The following ROBO2 variants were observed in gnomAD, a reference collection of about 807,000 sequenced individuals.
ROBO2 encodes the protein roundabout homolog 2.
Under a neutral mutation model 160.8 loss-of-function variants are expected in ROBO2, and 53 were observed. That is an observed-to-expected ratio of 0.33 (90% confidence interval 0.26 to 0.41). The LOEUF (loss-of-function observed/expected upper bound fraction) is 0.41, where lower values mean the gene tolerates loss of function less well. Among genes scored for constraint, ROBO2 ranks in the 10% least tolerant of loss-of-function variants. The pLI, the probability that ROBO2 is intolerant of heterozygous loss-of-function variation, is 1.00. For missense variants in ROBO2, 1,577 were observed against 1,722.4 expected, an observed-to-expected ratio of 0.92 and a Z score of 1.49; for synonymous variants, 664 against 611.7, an observed-to-expected ratio of 1.09 and a Z score of -1.26.
intron 2 of ROBO2, among the ~76,000 whole-genome samples, chr3:77,464,545 G>T (rs539958064): frequency 6.6e-6 from 1 of 152,290 alleles, no homozygotes; most frequent in African/African-American, 2.4e-5. Context: ...TAGAGTTACA[G>T]GGGGAGGAAG....
rs2095365039 is a variant in ROBO2 at position 77,642,654 on chromosome 3, T to C, written c.3935-2050T>C. 2.2e-6 allele frequency: 1 copy of C among 451,600 alleles called. No homozygotes were observed. The highest frequency in any genetic ancestry group is 4.4e-6 in the Non-Finnish European group (1 of 225,592). The allele number at this position is 451,600 out of a possible 1,614,324, so 28.0% of individuals were successfully genotyped here. On this transcript the variant is annotated intron_variant, in intron 24 of 25. Transcript: ENST00000461745. ...ATTAAATTTTAGTCCATTCTAAACA[T>C]TATTCAAAATTTTTAGATCTTCCAC...
intron 2 of ROBO2, among the ~76,000 whole-genome samples, chr3:76,849,921 T>A (rs1475293269): frequency 6.6e-6 from 1 of 152,200 alleles, no homozygotes; most frequent in Non-Finnish European, 1.5e-5. Flanking sequence ...GTGTGGTGGC[T>A]CATGCCTGTA....
intron 2 of ROBO2, among the ~76,000 whole-genome samples, chr3:76,644,461 C>A (rs1261723601): frequency 6.6e-6 from 1 of 152,186 alleles, no homozygotes; most frequent in East Asian, 1.9e-4. Context: ...GCTGGGCCCT[C>A]TGGGTTCTTT....
chr3:75,918,650 G>C (rs1946906868), intron 1 of ROBO2, among the ~76,000 whole-genome samples: 1 of 152,044 alleles, frequency 6.6e-6, no homozygotes, highest in Admixed American at 6.6e-5. Context: ...ATGATATTGA[G>C]TCTTCCTATC....
At chr3:77,152,923 C>T (rs1056689207) in intron 2 of ROBO2, among the ~76,000 whole-genome samples, 6 of 152,178 alleles carry the variant, frequency 3.9e-5, no homozygotes, top group Non-Finnish European at 7.3e-5. Context: ...AGCAATCACT[C>T]AGCACTTCCT....
intron 2 of ROBO2, among the ~76,000 whole-genome samples, chr3:76,541,546 G>A (rs2082818119): frequency 6.6e-6 from 1 of 152,140 alleles, no homozygotes. Flanking sequence ...AAGGGCCAGG[G>A]ATGTAAAGAC....
In ROBO2 at chr3:77,479,295, G is replaced by T. The variant is rs80335418; in HGVS notation, c.546+1724G>T. On this transcript the variant is annotated intron_variant, in intron 3 of 25. Transcript: ENST00000461745. ...CAGTCTGTCCAGTAGGCATGGTAAT[G>T]ACCTTTAGTTTCTTCTTTGGTGATT... 7.1e-3 allele frequency among the ~76,000 whole-genome samples: 1,081 copies of T among 152,282 alleles called. 8 individuals are homozygous for T. Among genetic ancestry groups the T allele is most frequent in the African/African-American group, 0.024 (998 of 41,572 alleles).
At chr3:77,104,239 C>A (rs1243640571) in intron 2 of ROBO2, among the ~76,000 whole-genome samples, 1 of 152,120 alleles carries the variant, frequency 6.6e-6, no homozygotes, top group Admixed American at 6.5e-5. Flanking sequence ...CACCCCAGCC[C>A]TAAGTAAATG....
chr3:76,014,244 GC>G (rs1172830761), intron 2 of ROBO2, among the ~76,000 whole-genome samples: 2 of 138,536 alleles, frequency 1.4e-5, no homozygotes, highest in African/African-American at 2.5e-5. Context: ...TGGCACGGTG[GC>G]TTATGCGTGT....
intron 2 of ROBO2, among the ~76,000 whole-genome samples, chr3:76,643,185 ATAACT>A (rs929096899): frequency 6.6e-6 from 1 of 152,184 alleles, no homozygotes; most frequent in African/African-American, 2.4e-5. Flanking sequence ...GCAATCAGAA[ATAACT>A]TAGTAAAAAA....
At chr3:77,056,457 T>C (rs77640644) in intron 1 of ROBO2, among the ~76,000 whole-genome samples, 9 of 151,790 alleles carry the variant, frequency 5.9e-5, no homozygotes, top group African/African-American at 2.2e-4. Flanking sequence ...TCATGCAGTG[T>C]TTTTTTTACT....
intron 20 of ROBO2, chr3:77,603,206 G>A: frequency 2.6e-6 from 1 of 380,862 alleles, no homozygotes; most frequent in Non-Finnish European, 5.3e-6. Flanking sequence ...ATGAAATCAT[G>A]CCTTGGTGGG....
chr3:76,138,408 T>C (rs2071508667), intron 2 of ROBO2, among the ~76,000 whole-genome samples: 1 of 152,018 alleles, frequency 6.6e-6, no homozygotes, highest in Non-Finnish European at 1.5e-5. Context: ...TGCTTTTTGC[T>C]CACCATATAA....
chr3:76,500,334 G>T (rs1422146573), intron 2 of ROBO2, among the ~76,000 whole-genome samples: 3 of 152,138 alleles, frequency 2.0e-5, no homozygotes. Flanking sequence ...GCCCAGGCTG[G>T]TCTCCAACTC....
At chr3:76,948,368 C>T (rs2078700823) in intron 2 of ROBO2, among the ~76,000 whole-genome samples, 1 of 151,918 alleles carries the variant, frequency 6.6e-6, no homozygotes, top group African/African-American at 2.4e-5. Context: ...TATCTTCCTC[C>T]TTCTTCACTA....
At position 76,650,038 on chromosome 3, in the gene ROBO2, G is replaced by A. The variant is rs996042757; in HGVS notation, c.110-447976G>A. ...TATTTAATCTAACATGCCAACAAAC[G>A]TATTACCCACCATATTTCAACCTTC... On this transcript the variant is annotated intron_variant, in intron 2 of 26. Transcript: ENST00000487694. Among the ~76,000 whole-genome samples the A allele has an allele frequency of 1.3e-5, 2 of 151,948 alleles. 1 individual carries two copies. Among genetic ancestry groups the A allele is most frequent in the South Asian group, 4.1e-4 (2 of 4,830 alleles).
intron 13 of ROBO2, among the ~76,000 whole-genome samples, chr3:77,570,170 T>A (rs2093602744): frequency 6.6e-6 from 1 of 152,058 alleles, no homozygotes; most frequent in Non-Finnish European, 1.5e-5. Context: ...CTGTTGCAAG[T>A]TATAAGGCGG....
intron 2 of ROBO2, among the ~76,000 whole-genome samples, chr3:76,661,001 A>G (rs892501934): frequency 6.6e-6 from 1 of 152,170 alleles, no homozygotes; most frequent in Non-Finnish European, 1.5e-5. Flanking sequence ...ACAGGATATT[A>G]AATACAGAAT....
intron 2 of ROBO2, among the ~76,000 whole-genome samples, chr3:76,243,046 G>A (rs560773642): frequency 6.6e-6 from 1 of 152,222 alleles, no homozygotes; most frequent in South Asian, 2.1e-4. Flanking sequence ...CTGTAAAAAC[G>A]GCTAATCCCT....
Sources: allele counts gnomAD v4.1 joint callset (sites outside exome capture counted in the v4.1 genomes callset), GRCh38; gene constraint gnomAD v4.1.1; transcripts MANE v1.5; gene names NCBI Gene and HGNC (gene_info 2026-07-23, HGNC 2026-07-21).